FAM149A: variants seen among roughly 807,000 people sequenced by gnomAD.
The protein encoded by FAM149A is protein FAM149A.
Under a neutral mutation model 78.2 loss-of-function variants are expected in FAM149A, and 71 were observed. That is an observed-to-expected ratio of 0.91 (90% confidence interval 0.75 to 1.11). The LOEUF is 1.11. FAM149A is among the 50% of genes least tolerant of loss of function. The pLI is 0.00. For synonymous variants in FAM149A, 446 were observed against 410.5 expected (o/e 1.09, Z -1.04); for missense variants, 1,036 against 971.0 (o/e 1.07, Z -0.89).
rs35301733 is a variant in FAM149A at position 186,138,244 on chromosome 4, A to AGTGT, written c.567-10914_567-10911dup. Among the ~76,000 whole-genome samples, 1,254 of 150,960 alleles carry AGTGT rather than the reference A, an allele frequency of 8.3e-3. 16 individuals carry two copies. The highest frequency in any genetic ancestry group is 0.027 in the African/African-American group (1,128 of 41,184). On this transcript the variant is annotated intron_variant, in intron 1 of 13. Coordinates refer to ENST00000389354, the MANE Select transcript of FAM149A (RefSeq NM_001367768.3). ...ATCAGACAGGATGAGTTAGTGAGTG[A>AGTGT]GTGTGTGTGTGTGTGTGTTTGCATG...
At chr4:186,137,783 T>C (rs2099324106) in intron 1 of FAM149A, among the ~76,000 whole-genome samples, 1 of 151,952 alleles carries the variant, frequency 6.6e-6, no homozygotes. Flanking sequence ...TCATATTTAT[T>C]TATTGCAATT....
rs1014240423 is a variant in FAM149A at position 186,173,069 on chromosome 4, C to G, written c.*1082C>G. On this transcript the variant is annotated 3_prime_UTR_variant, in exon 14 of 14. Coordinates refer to ENST00000389354, the MANE Select transcript of FAM149A (RefSeq NM_001367768.3). The stretch of plus-strand genomic sequence containing the variant: ...TTCATCAGTCTAATTTTTACTAATC[C>G]AAACTGTAACTTTATAAGGCTATAT... Among the ~76,000 whole-genome samples, 3 of 112,026 alleles carry G rather than the reference C, an allele frequency of 2.7e-5. 1 individual carries two copies. The highest frequency in any genetic ancestry group is 4.5e-5 in the Non-Finnish European group (2 of 44,384). The allele number at this position is 112,026 out of a possible 152,430, so 73.5% of individuals were successfully genotyped here.
intron 1 of FAM149A, among the ~76,000 whole-genome samples, chr4:186,141,358 A>G (rs531061286): frequency 6.6e-6 from 1 of 152,338 alleles, no homozygotes; most frequent in Admixed American, 6.5e-5. Context: ...ATTACATGTT[A>G]AAATGATAAT....
chr4:186,118,896 T>C (rs1347604574), intron 1 of FAM149A, among the ~76,000 whole-genome samples: 2 of 152,182 alleles, frequency 1.3e-5, no homozygotes, highest in African/African-American at 4.8e-5. Flanking sequence ...AGTTTCAGTT[T>C]TGTTTTGTTT....
intron 1 of FAM149A, chr4:186,110,347 G>C: frequency 1.0e-6 from 1 of 983,558 alleles, no homozygotes; most frequent in East Asian, 1.1e-4. Context: ...ATTTCCTCAG[G>C]GATGAACGGT....
At position 186,163,522 on chromosome 4, in the gene FAM149A, C is replaced by T; in HGVS notation, c.1778C>T (p.Pro593Leu). ...GCCTCAGACACTCATGGATTATCAC[C>T]TTCTGCAAAGAAAACACCAGTGCCC... The change falls in exon 10 of 14, where the codon CCT (proline) becomes CTT (leucine). Residue 593 changes from proline (P) to leucine (L), a missense_variant. Physicochemically the swap from Pro to Leu is moderately conservative, Grantham distance 98 (BLOSUM62 -3). Around this residue, in one of 3 missense-constraint regions of FAM149A, gnomAD observed 716 missense variants for 711.8 expected, o/e 1.01. Coordinates refer to ENST00000389354, the MANE Select transcript of FAM149A (RefSeq NM_001367768.3). The T allele has an allele frequency of 1.2e-6, 2 of 1,614,168 alleles. No homozygotes were observed. Among genetic ancestry groups the T allele is most frequent in the Non-Finnish European group, 1.7e-6 (2 of 1,180,008 alleles).
At chr4:186,169,233 T>C in intron 13 of FAM149A, 1 of 984,042 alleles carries the variant, frequency 1.0e-6, no homozygotes, top group Non-Finnish European at 1.2e-6. Context: ...AGTCATTGTT[T>C]CTACAATTAT....
intron 13 of FAM149A, among the ~76,000 whole-genome samples, chr4:186,170,135 G>A (rs928718608): frequency 3.3e-5 from 5 of 152,222 alleles, no homozygotes; most frequent in Non-Finnish European, 4.4e-5. Context: ...CATGCAGCTC[G>A]GCAGGGCCTG....
intron 8 of FAM149A, among the ~76,000 whole-genome samples, chr4:186,162,011 A>G (rs34944519): frequency 0.047 from 7,161 of 152,342 alleles, 545 homozygotes; most frequent in African/African-American, 0.16. Flanking sequence ...TCAGCCTGTC[A>G]TCTAGGTAAA....
rs1425979825 is a variant in FAM149A at position 186,105,039 on chromosome 4, T to C, written c.-38T>C. 3.2e-6 allele frequency: 4 copies of C among 1,260,852 alleles called. No homozygotes were observed. In the African/African-American group the frequency reaches 6.5e-5, roughly 21 times the overall value. 78.1% of individuals were successfully genotyped at this position (1,260,852 alleles called of 1,614,324 possible). A position where few individuals can be genotyped will look rare whatever the true frequency, so the allele number is the denominator to read the frequency against. Reference sequence around the variant, plus strand: ...GGCCGGATCTCCGCGGTCTGAACTCTCGGGCGGCGGCGAGGACGGCGTGTC... The same window carrying C: ...GGCCGGATCTCCGCGGTCTGAACTCCCGGGCGGCGGCGAGGACGGCGTGTC... On this transcript the variant is annotated 5_prime_UTR_variant, in exon 1 of 14. Transcript: ENST00000389354.
At chr4:186,169,400 G>A (rs1735341525) in intron 13 of FAM149A, 4 of 985,388 alleles carry the variant, frequency 4.1e-6, no homozygotes, top group Middle Eastern at 5.2e-4. Context: ...CCATGCAGAC[G>A]TCCCCAGGCC....
At chr4:186,166,897 T>C (rs1298955426) in intron 11 of FAM149A, 71 bp from the exon 12 acceptor site, 9 of 1,477,638 alleles carry the variant, frequency 6.1e-6, no homozygotes, top group African/African-American at 1.4e-5. Context: ...CGATTGAGCA[T>C]GTCGAGATTT....
chr4:186,163,703 TG>T, intron 10 of FAM149A, 70 bp downstream of exon 10: 1 of 1,101,406 alleles, frequency 9.1e-7, no homozygotes, highest in Non-Finnish European at 1.4e-6. Context: ...TTAGGGTTTA[TG>T]GATCATCCTG....
Position 186,133,978 on chromosome 4 carries a change from T to C in FAM149A, c.567-15195T>C, listed in dbSNP as rs1277887852. 2.0e-5 allele frequency among the ~76,000 whole-genome samples: 3 copies of C among 152,212 alleles called. No homozygotes were observed. In the East Asian group the frequency reaches 5.8e-4, roughly 29 times the overall value. On this transcript the variant is annotated intron_variant, in intron 1 of 13. Transcript: ENST00000389354. ...GCCTGTGTCCCTGCTTTTAATTCTT[T>C]CAGTGTATACCAAGAAGTGGGATTG...
intron 8 of FAM149A, chr4:186,158,515 G>A (rs1384303712): frequency 1.0e-6 from 1 of 999,774 alleles, no homozygotes; most frequent in African/African-American, 1.8e-5. Flanking sequence ...GATTGAGGTG[G>A]AAGAGCAGCC....
intron 1 of FAM149A, among the ~76,000 whole-genome samples, chr4:186,137,186 G>C (rs1243532786): frequency 6.6e-6 from 1 of 151,998 alleles, no homozygotes; most frequent in East Asian, 1.9e-4. Flanking sequence ...AACTTTTAAA[G>C]CTAGACTGGA....
At chr4:186,125,506 A>G (rs1232593633) in intron 1 of FAM149A, 4 of 350,558 alleles carry the variant, frequency 1.1e-5, no homozygotes, top group East Asian at 3.4e-4. Flanking sequence ...CCAGCCAGCA[A>G]TCAGTGACAT....
Position 186,157,666 on chromosome 4 carries a change from G to A in FAM149A, c.1522G>A (p.Gly508Arg), listed in dbSNP as rs372941483. The A allele has an allele frequency of 2.7e-5, 43 of 1,613,894 alleles. No individual in the cohort carries two copies. The highest frequency in any genetic ancestry group is 1.4e-4 in the South Asian group (13 of 91,046). ...CGATGGAGCCAGTGGCCCCCCGTCC[G>A]GACACGCCGAGGCTCACGGCATCTC... Residue 508 changes from glycine to arginine, a missense_variant, in exon 8 of 14, where the codon GGA becomes AGA. Physicochemically the swap from Gly to Arg is moderately radical, Grantham distance 125. Coordinates refer to ENST00000389354, the MANE Select transcript of FAM149A (RefSeq NM_001367768.3).
At chr4:186,121,701 C>T (rs879413840) in intron 1 of FAM149A, among the ~76,000 whole-genome samples, 1 of 152,200 alleles carries the variant, frequency 6.6e-6, no homozygotes, top group Admixed American at 6.5e-5. Flanking sequence ...CCCCACCTAA[C>T]GTGGGACTGA....
Sources: allele counts gnomAD v4.1 joint callset (sites outside exome capture counted in the v4.1 genomes callset), GRCh38; gene constraint gnomAD v4.1.1; regional missense constraint gnomAD v4.1.1; transcripts MANE v1.5; gene names NCBI Gene and HGNC (gene_info 2026-07-23, HGNC 2026-07-21).